Variants in ZNF423 observed in about 807,000 individuals in gnomAD.
ZNF423 encodes the protein zinc finger protein 423.
ZNF423 carries 12 observed loss-of-function variants against 95.8 expected under a neutral mutation model. That is an observed-to-expected ratio of 0.13 (90% CI 0.08 to 0.20). ZNF423 has a LOEUF of 0.20. Ranked by LOEUF, ZNF423 falls within the 10% of genes least tolerant of loss-of-function variation. The pLI is 1.00. For synonymous variants in ZNF423, 749 were observed against 711.9 expected (o/e 1.05, Z -0.83); for missense variants, 1,316 against 1,737.1 (o/e 0.76, Z 4.31).
intron 5 of ZNF423, among the ~76,000 whole-genome samples, chr16:49,577,273 A>C (rs2151796542): frequency 6.6e-6 from 1 of 152,348 alleles, no homozygotes; most frequent in East Asian, 1.9e-4. Context: ...TTGCTACTCC[A>C]TGTCAACACT....
At chr16:49,687,532 C>A (rs1053316486) in intron 3 of ZNF423, among the ~76,000 whole-genome samples, 1 of 152,132 alleles carries the variant, frequency 6.6e-6, no homozygotes, top group Non-Finnish European at 1.5e-5. Context: ...TGCCCACCTC[C>A]GACTCTAGAA....
At chr16:49,758,011 C>T (rs2033759513) in intron 2 of ZNF423, among the ~76,000 whole-genome samples, 1 of 152,308 alleles carries the variant, frequency 6.6e-6, no homozygotes, top group East Asian at 1.9e-4. Context: ...TCTCCAGCCT[C>T]TCATCAAACT....
At chr16:49,519,339 T>G (rs996615629) in intron 7 of ZNF423, among the ~76,000 whole-genome samples, 1 of 152,200 alleles carries the variant, frequency 6.6e-6, no homozygotes, top group Non-Finnish European at 1.5e-5. Flanking sequence ...AATGAACGTT[T>G]AACTTTATAA....
Position 49,726,693 on chromosome 16 carries a change from C to CCCATCACA in ZNF423, c.301+4070_301+4077dup, listed in dbSNP as rs1321875404. ...AATGTCTCCATTAGGAACAGAGAAG[C>CCCATCACA]CCATCACACTTACCCAGTCAGCCCC... On this transcript the variant is annotated intron_variant, in intron 3 of 7. Transcript: ENST00000563137. 4.0e-5 allele frequency among the ~76,000 whole-genome samples: 6 copies of CCCATCACA among 151,804 alleles called. No individual in the cohort carries two copies. In the East Asian group the frequency reaches 1.2e-3, roughly 30 times the overall value.
At chr16:49,714,926 G>A (rs1423870086) in intron 3 of ZNF423, among the ~76,000 whole-genome samples, 1 of 152,144 alleles carries the variant, frequency 6.6e-6, no homozygotes, top group East Asian at 1.9e-4. Context: ...TGTGAGTTGG[G>A]TGTGGCTTGG....
chr16:49,527,507 G>A (rs1469371455), intron 5 of ZNF423, among the ~76,000 whole-genome samples: 1 of 152,116 alleles, frequency 6.6e-6, no homozygotes, highest in Non-Finnish European at 1.5e-5. Context: ...ACATTGCCCA[G>A]TGCCTGGCAC....
intron 3 of ZNF423, among the ~76,000 whole-genome samples, chr16:49,688,054 GT>G (rs5816653): frequency 0.92 from 81,245 of 88,106 alleles, 37,544 homozygotes; most frequent in East Asian, 0.95. Context: ...CCACGGTGCG[GT>G]TTTTTTTTTT....
At chr16:49,574,755 C>G (rs1248309570) in intron 5 of ZNF423, among the ~76,000 whole-genome samples, 1 of 152,196 alleles carries the variant, frequency 6.6e-6, no homozygotes, top group Non-Finnish European at 1.5e-5. Context: ...CTCCTGCTTT[C>G]CCTCTCTCCT....
At chr16:49,721,336 A>G (rs1021172717) in intron 3 of ZNF423, among the ~76,000 whole-genome samples, 1 of 152,186 alleles carries the variant, frequency 6.6e-6, no homozygotes, top group Non-Finnish European at 1.5e-5. Context: ...ACACCCATGC[A>G]CAGGCATTCA....
intron 1 of ZNF423, among the ~76,000 whole-genome samples, chr16:49,846,299 CAAAAAAAA>C (rs11338195): frequency 2.6e-5 from 2 of 76,364 alleles, no homozygotes. Flanking sequence ...GACTCTGTCT[CAAAAAAAA>C]AAAAAAAAAA....
At chr16:49,730,096 C>T (rs537472720) in intron 3 of ZNF423, among the ~76,000 whole-genome samples, 38 of 152,286 alleles carry the variant, frequency 2.5e-4, no homozygotes, top group Admixed American at 5.9e-4. Flanking sequence ...AGGGAATGCA[C>T]ATGCCCTCTG....
rs568734032 is a variant in ZNF423, at chr16:49,534,771, C to A, written c.3602-9277G>T. ...TTCTCTCATGGCACGTCCTATGCTA[C>A]TTCCACCTTCAAAATGCTTCTGTGT... On this transcript the variant is annotated intron_variant, in intron 5 of 7. Coordinates refer to ENST00000563137, the MANE Select transcript of ZNF423 (RefSeq NM_001379286.1). Among the ~76,000 whole-genome samples the A allele has an allele frequency of 2.0e-5, 3 of 152,348 alleles. No individual in the cohort carries two copies. The South Asian group carries it at 6.2e-4, about 32-fold the overall frequency.
intron 3 of ZNF423, among the ~76,000 whole-genome samples, chr16:49,669,306 A>G (rs1046487735): frequency 6.6e-6 from 1 of 151,692 alleles, no homozygotes; most frequent in Non-Finnish European, 1.5e-5. Flanking sequence ...TCCAGCCTGG[A>G]TAACAAGAGC....
Position 49,603,199 on chromosome 16 carries a change from G to T in ZNF423, c.3601+22971C>A, listed in dbSNP as rs1257128050. Among the ~76,000 whole-genome samples, 3 of 152,110 alleles carry T rather than the reference G, an allele frequency of 2.0e-5. No individual in the cohort carries two copies. Among genetic ancestry groups the T allele is most frequent in the Non-Finnish European group, 4.4e-5 (3 of 68,010 alleles). ...CAGTGATCTCTGGCAGGGCCGCCAGGGACCACAATGTAAATGGTGTCCCCT... is the reference window on the plus strand; with the variant it reads ...CAGTGATCTCTGGCAGGGCCGCCAGTGACCACAATGTAAATGGTGTCCCCT... On this transcript the variant is annotated intron_variant, in intron 5 of 7. Transcript: ENST00000563137. The surrounding 1 kb of genome is among the most constrained non-coding windows in gnomAD (Gnocchi z 4.1).
intron 7 of ZNF423, among the ~76,000 whole-genome samples, chr16:49,502,656 C>T (rs1311037545): frequency 6.6e-6 from 1 of 152,052 alleles, no homozygotes; most frequent in Non-Finnish European, 1.5e-5. Flanking sequence ...CACAGTGTCC[C>T]ATGGGGAATA....
At chr16:49,626,568 A>G (rs1330811076) in intron 4 of ZNF423, among the ~76,000 whole-genome samples, 2 of 152,046 alleles carry the variant, frequency 1.3e-5, no homozygotes, top group Non-Finnish European at 2.9e-5. Context: ...CCATGCCCCC[A>G]TCCATCCAAA....
In ZNF423 at chr16:49,788,330, T is replaced by TC. The variant is rs149000902; in HGVS notation, c.100+1156dup. 2.6e-3 allele frequency among the ~76,000 whole-genome samples: 400 copies of TC among 152,336 alleles called. 3 individuals carry two copies. Among genetic ancestry groups the TC allele is most frequent in the African/African-American group, 9.2e-3 (382 of 41,584 alleles). ...AGGGCTTAGTCTCCTTTCCCAAATT[T>TC]CATTGAACCATCTTCAAGCTTCCCG... is the stretch of plus-strand genomic sequence containing the variant. On this transcript the variant is annotated intron_variant, in intron 2 of 7. Transcript: ENST00000563137.
intron 1 of ZNF423, among the ~76,000 whole-genome samples, chr16:49,824,651 T>C (rs2034986621): frequency 6.6e-6 from 1 of 152,140 alleles, no homozygotes; most frequent in South Asian, 2.1e-4. Context: ...AAGATAAACT[T>C]GGGCGAGTCA....
At chr16:49,798,701 G>T (rs567173694) in intron 1 of ZNF423, among the ~76,000 whole-genome samples, 9 of 152,136 alleles carry the variant, frequency 5.9e-5, no homozygotes, top group Admixed American at 5.9e-4. Flanking sequence ...GGGTCTCCAC[G>T]TCGGCGCTTG....
Sources: allele counts gnomAD v4.1 joint callset (sites outside exome capture counted in the v4.1 genomes callset), GRCh38; gene constraint gnomAD v4.1.1; non-coding constraint Gnocchi (gnomAD v3.1); transcripts MANE v1.5; gene names NCBI Gene and HGNC (gene_info 2026-07-23, HGNC 2026-07-21).